BIRC5: variants seen among roughly 807,000 people sequenced by gnomAD.
BIRC5 encodes the protein baculoviral IAP repeat-containing protein 5.
Under a neutral mutation model 15.8 loss-of-function variants are expected in BIRC5, and 8 were observed. The ratio of observed to expected loss-of-function variants is 0.51; its 90% CI spans 0.30 to 0.91. BIRC5 has a LOEUF of 0.91. BIRC5 is among the 40% of genes least tolerant of loss of function. The pLI is 0.07. For synonymous variants in BIRC5, 56 were observed against 64.5 expected (o/e 0.87, Z 0.63); for missense variants, 163 against 178.6 (o/e 0.91, Z 0.50).
At chr17:78,221,496 G>A (rs978271342) in intron 3 of BIRC5, among the ~76,000 whole-genome samples, 3 of 151,464 alleles carry the variant, frequency 2.0e-5, no homozygotes, top group Admixed American at 1.3e-4. Context: ...GCGTGATCTC[G>A]GCTGACGGCA....
intron 2 of BIRC5, chr17:78,215,922 G>T (rs1284682095): frequency 1.9e-6 from 2 of 1,065,890 alleles, no homozygotes; most frequent in Non-Finnish European, 2.3e-6. Flanking sequence ...GTCCCTTGGG[G>T]AACCCGGGGC....
At chr17:78,221,901 A>G (rs2076517988) in intron 3 of BIRC5, among the ~76,000 whole-genome samples, 4 of 152,174 alleles carry the variant, frequency 2.6e-5, no homozygotes, top group African/African-American at 9.7e-5. Flanking sequence ...ACAGTCCATT[A>G]TAAGTGCGCT....
At chr17:78,215,942 C>A (rs749078071) in intron 2 of BIRC5, 4 of 1,066,012 alleles carry the variant, frequency 3.8e-6, no homozygotes, top group Non-Finnish European at 4.6e-6. Flanking sequence ...CAATAATGCC[C>A]TTCTCTGCCC....
In BIRC5 at chr17:78,223,825, C is replaced by T. The variant is rs1021280400; in HGVS notation, c.*271C>T. ...GGCTCATTTTTGCTGTTTTGATTCC[C>T]GGGCTTACCAGGTGAGAAGTGAGGG... On this transcript the variant is annotated 3_prime_UTR_variant, in exon 4 of 4. Transcript: ENST00000350051. The T allele has an allele frequency of 1.8e-5, 12 of 651,874 alleles. No individual in the cohort carries two copies. In the Admixed American group the frequency reaches 2.2e-4, roughly 12 times the overall value. The allele number at this position is 651,874 out of a possible 1,614,324, so 40.4% of individuals were successfully genotyped here.
intron 3 of BIRC5, among the ~76,000 whole-genome samples, chr17:78,222,533 C>T (rs903092723): frequency 1.3e-4 from 19 of 151,946 alleles, no homozygotes; most frequent in African/African-American, 3.4e-4. Flanking sequence ...GGGGTGGTGG[C>T]GCATGCCTGT....
In BIRC5 at chr17:78,214,330, C is replaced by G. The variant is rs759731481; in HGVS notation, c.14C>G (p.Thr5Arg). 4 of 1,607,678 alleles carry G rather than the reference C, an allele frequency of 2.5e-6. No homozygotes were observed. The highest frequency in any genetic ancestry group is 2.5e-6 in the Non-Finnish European group (3 of 1,177,702). The change falls in exon 1 of 4, where the codon ACG becomes AGG. Residue 5 changes from threonine to arginine, a missense_variant. Physicochemically the swap from Thr to Arg is moderately conservative, Grantham distance 71. Transcript: ENST00000350051. Reference protein sequence around the residue: MGAPTLPPAWQPFLK... With the variant: MGAPRLPPAWQPFLK... Reference sequence around the variant, plus strand: ...GGCGGCGGCGGCATGGGTGCCCCGACGTTGCCCCCTGCCTGGCAGCCCTTT... The same window carrying G: ...GGCGGCGGCGGCATGGGTGCCCCGAGGTTGCCCCCTGCCTGGCAGCCCTTT...
intron 3 of BIRC5, among the ~76,000 whole-genome samples, chr17:78,218,434 C>T (rs2076494983): frequency 6.6e-6 from 1 of 150,762 alleles, no homozygotes; most frequent in African/African-American, 2.4e-5. Flanking sequence ...GCTGGGACTA[C>T]AGGCACGCAC....
rs567301962 is a variant in BIRC5, at chr17:78,220,520, G to A, written c.340-2945G>A. On this transcript the variant is annotated intron_variant, in intron 3 of 3. Coordinates refer to ENST00000350051, the MANE Select transcript of BIRC5 (RefSeq NM_001168.3). ...CCTCAGTCCCTGCAGGAGACCTCTCGGTCTCTATCTCCTGATAGTCAGACC... is the reference window on the plus strand; with the variant it reads ...CCTCAGTCCCTGCAGGAGACCTCTCAGTCTCTATCTCCTGATAGTCAGACC... Among the ~76,000 whole-genome samples the A allele has an allele frequency of 7.9e-5, 12 of 152,136 alleles. No homozygotes were observed. The South Asian group carries it at 8.3e-4, about 11-fold the overall frequency.
Position 78,223,813 on chromosome 17 carries a change from T to A in BIRC5, c.*259T>A, listed in dbSNP as rs1389077757. 2.8e-6 allele frequency: 2 copies of A among 724,562 alleles called. No individual in the cohort carries two copies. The highest frequency in any genetic ancestry group is 3.6e-5 in the African/African-American group (2 of 55,310). 44.9% of individuals were successfully genotyped at this position (724,562 alleles called of 1,614,324 possible). A position where few individuals can be genotyped will look rare whatever the true frequency, so the allele number is the denominator to read the frequency against. On this transcript the variant is annotated 3_prime_UTR_variant, in exon 4 of 4. Transcript: ENST00000350051. ...CTCTTTTTTGGGGGCTCATTTTTGC[T>A]GTTTTGATTCCCGGGCTTACCAGGT...
At position 78,216,834 on chromosome 17, in the gene BIRC5, A is replaced by G. The variant is rs1193799501; in HGVS notation, c.339+53A>G. 6.5e-6 allele frequency: 9 copies of G among 1,387,564 alleles called. No homozygotes were observed. In the Admixed American group the frequency reaches 1.5e-4, roughly 24 times the overall value. 86.0% of individuals were successfully genotyped at this position (1,387,564 alleles called of 1,614,324 possible). On this transcript the variant is annotated intron_variant, in intron 3 of 3. Transcript: ENST00000350051. The stretch of plus-strand genomic sequence containing the variant: ...AACCCTGTTCAATGTCTTTAGCACT[A>G]AACTACCTAGTCCCTCAAAGGGACT...
rs775748394 is a variant in BIRC5, at chr17:78,223,790, C to CT, written c.*242dup. 4 of 833,114 alleles carry CT rather than the reference C, an allele frequency of 4.8e-6. No individual in the cohort carries two copies. Among genetic ancestry groups the CT allele is most frequent in the Non-Finnish European group, 6.8e-6 (4 of 585,036 alleles). The allele number at this position is 833,114 out of a possible 1,614,324, so 51.6% of individuals were successfully genotyped here. On this transcript the variant is annotated 3_prime_UTR_variant, in exon 4 of 4. Coordinates refer to ENST00000350051, the MANE Select transcript of BIRC5 (RefSeq NM_001168.3). ...AGTGGCTGCTTCTCTCTCTCTCTCT[C>CT]TTTTTTGGGGGCTCATTTTTGCTGT...
intron 3 of BIRC5, among the ~76,000 whole-genome samples, chr17:78,217,217 C>A (rs1428989664): frequency 1.3e-5 from 2 of 150,894 alleles, no homozygotes; most frequent in Non-Finnish European, 2.9e-5. Flanking sequence ...ACTCTGTTAC[C>A]CAGGCTGGAG....
In BIRC5 at chr17:78,215,084, C is replaced by CT. The variant is rs1217027121; in HGVS notation, c.221+302dup. 17 of 298,646 alleles carry CT rather than the reference C, an allele frequency of 5.7e-5. No homozygotes were observed. In the East Asian group the frequency reaches 1.1e-3, roughly 20 times the overall value. 18.5% of individuals were successfully genotyped at this position (298,646 alleles called of 1,614,324 possible). ...GTGAACTCCCAGGAACGTCCAAGTG[C>CT]TTTTTTTGAGATTTTTTAAAAAACA... is the stretch of plus-strand genomic sequence containing the variant. On this transcript the variant is annotated intron_variant, in intron 2 of 3. Coordinates refer to ENST00000350051, the MANE Select transcript of BIRC5 (RefSeq NM_001168.3).
rs746873744 is a variant in BIRC5 at position 78,216,614 on chromosome 17, C to T, written c.222-50C>T. 4 of 1,553,626 alleles carry T rather than the reference C, an allele frequency of 2.6e-6. No individual in the cohort carries two copies. In the South Asian group the frequency reaches 3.3e-5, roughly 13 times the overall value. ...GAGGTGGCCCGTGGGGAGTGGACTG[C>T]CGCTTTAATCCCTTCAGCTGCCTTT... On this transcript the variant is annotated intron_variant, in intron 2 of 3. Coordinates refer to ENST00000350051, the MANE Select transcript of BIRC5 (RefSeq NM_001168.3).
At chr17:78,222,500 C>G (rs1055635130) in intron 3 of BIRC5, among the ~76,000 whole-genome samples, 1 of 151,908 alleles carries the variant, frequency 6.6e-6, no homozygotes, top group African/African-American at 2.4e-5. Flanking sequence ...GACCCCATCT[C>G]TACTAAAAAT....
intron 1 of BIRC5, 99 bp downstream of exon 1, chr17:78,214,526 C>T: frequency 2.3e-6 from 3 of 1,303,014 alleles, no homozygotes; most frequent in Non-Finnish European, 3.1e-6. Flanking sequence ...CCGCCCTCCC[C>T]TCCCCGTCCT....
In BIRC5 at chr17:78,218,140, CTG is replaced by C. The variant is rs2076492582; in HGVS notation, c.339+1364_339+1365del. 2.0e-5 allele frequency among the ~76,000 whole-genome samples: 3 copies of C among 151,118 alleles called. 1 individual carries two copies. Among genetic ancestry groups the C allele is most frequent in the South Asian group, 4.2e-4 (2 of 4,790 alleles). The stretch of plus-strand genomic sequence containing the variant: ...ATCATTTTTAAAGCCCCTAGGATGT[CTG>C]TGTGATTTTAAAGCTCCTGGAGTGT... On this transcript the variant is annotated intron_variant, in intron 3 of 3. Transcript: ENST00000350051.
chr17:78,220,427 C>CAA (rs33943536), intron 3 of BIRC5, among the ~76,000 whole-genome samples: 1 of 132,906 alleles, frequency 7.5e-6, no homozygotes, highest in Non-Finnish European at 1.6e-5. Context: ...GACTCCGTCT[C>CAA]AAAAAAAAAA....
intron 3 of BIRC5, among the ~76,000 whole-genome samples, chr17:78,220,320 C>G (rs1361932925): frequency 1.3e-5 from 2 of 151,818 alleles, no homozygotes; most frequent in Non-Finnish European, 2.9e-5. Context: ...CCCAGCTACT[C>G]GGGAGGCTGA....
Sources: gnomAD v4.1 joint callset for allele counts (sites outside exome capture counted in the v4.1 genomes callset) on GRCh38, gnomAD v4.1.1 for gene constraint, MANE v1.5 for transcripts, NCBI Gene and HGNC (gene_info 2026-07-23, HGNC 2026-07-21) for gene names.